The following RNASEH2B variants were observed in gnomAD, a reference collection of about 807,000 sequenced individuals.
The protein encoded by RNASEH2B is ribonuclease H2 subunit B, also known as Aicardi-Goutieres syndrome 2 protein.
A neutral mutation model predicts 45.0 loss-of-function variants in RNASEH2B; 36 were observed. The observed-to-expected ratio is 0.80, with a 90% CI of 0.61 to 1.06. The LOEUF (loss-of-function observed/expected upper bound fraction) is 1.06, where lower values mean the gene tolerates loss of function less well. Among genes scored for constraint, RNASEH2B ranks in the 50% least tolerant of loss-of-function variants. The pLI, the probability that RNASEH2B is intolerant of heterozygous loss-of-function variation, is 0.00. For synonymous variants in RNASEH2B, 119 were observed against 125.7 expected, an observed-to-expected ratio of 0.95 and a Z score of 0.35; for missense variants, 361 against 360.3, an observed-to-expected ratio of 1.00 and a Z score of -0.02.
At chr13:50,959,474 A>G (rs1468288076), downstream of RNASEH2B, 2 of 150,186 alleles carry the variant, frequency 1.3e-5, no homozygotes, top group African/African-American at 4.9e-5. Flanking sequence ...TTTTTTTTAG[A>G]TGGAGTTTCG....
intron 1 of RNASEH2B, among the ~76,000 whole-genome samples, chr13:50,923,785 T>C (rs1028054510): frequency 2.0e-5 from 3 of 152,188 alleles, no homozygotes; most frequent in East Asian, 3.9e-4. Context: ...AGCACAAATA[T>C]ATTTTTGTAA....
rs879506296 is a variant in RNASEH2B at position 50,968,085 on chromosome 13, A to G, written c.742-1847A>G. 4.6e-5 allele frequency among the ~76,000 whole-genome samples: 7 copies of G among 152,284 alleles called. No individual in the cohort carries two copies. In the East Asian group the frequency reaches 1.3e-3, roughly 29 times the overall value. On this transcript the variant is annotated intron_variant, in intron 9 of 9. Coordinates refer to the RNASEH2B transcript ENST00000422660. Reference sequence around the variant, plus strand: ...AGGGTTCGTCCCTGTGTTTCATAGTATTTTTACAGTTCTCACAGCAATCAC... The same window carrying G: ...AGGGTTCGTCCCTGTGTTTCATAGTGTTTTTACAGTTCTCACAGCAATCAC...
chr13:50,943,276 A>T (rs1566086159), intron 5 of RNASEH2B, 45 bp from the exon 6 acceptor site: 2 of 1,040,136 alleles, frequency 1.9e-6, no homozygotes, highest in East Asian at 2.6e-5. Flanking sequence ...TTAGGAGTTT[A>T]TTTTTTTTTT....
rs939685384 is a variant in RNASEH2B, at chr13:50,930,598, T to A, written c.245-85T>A. On this transcript the variant is annotated intron_variant, in intron 3 of 10. Coordinates refer to ENST00000336617, the MANE Select transcript of RNASEH2B (RefSeq NM_024570.4). ...GAATTTCACATATATTTTTCAACAC[T>A]GTTTTTCACTTTGAGATTAAGGTGA... is the stretch of plus-strand genomic sequence containing the variant. The A allele has an allele frequency of 3.1e-6, 3 of 976,710 alleles. 1 individual carries two copies. In the South Asian group the frequency reaches 3.8e-5, roughly 12 times the overall value. The allele number at this position is 976,710 out of a possible 1,614,324, so 60.5% of individuals were successfully genotyped here.
chr13:50,959,956 G>C (rs79722331), downstream of RNASEH2B: 2,158 of 329,602 alleles, frequency 6.5e-3, 41 homozygotes, highest in African/African-American at 0.043. Context: ...ACTTACTTTG[G>C]GAAAACAAAC....
chr13:50,960,269 A>G, downstream of RNASEH2B: 1 of 418,464 alleles, frequency 2.4e-6, no homozygotes, highest in Non-Finnish European at 4.0e-6. Context: ...GGGTTTTAGT[A>G]CATAATATAG....
At chr13:50,920,320 T>A (rs1456938594) in intron 1 of RNASEH2B, among the ~76,000 whole-genome samples, 1 of 152,130 alleles carries the variant, frequency 6.6e-6, no homozygotes, top group Non-Finnish European at 1.5e-5. Context: ...AATACTGGGA[T>A]TACAAGTGTG....
chr13:50,917,247 G>A (rs564409849), intron 1 of RNASEH2B, among the ~76,000 whole-genome samples: 16 of 152,334 alleles, frequency 1.1e-4, no homozygotes, highest in African/African-American at 3.8e-4. Flanking sequence ...GTACAGGATA[G>A]ACAGCAGAGG....
chr13:50,969,861 A>G (rs372515808), intron 9 of RNASEH2B: 221 of 1,442,004 alleles, frequency 1.5e-4, no homozygotes, highest in Non-Finnish European at 1.9e-4. Flanking sequence ...GGAGCTGCAG[A>G]TGGTGCTTGG....
At chr13:50,923,244 G>T (rs1406907244) in intron 1 of RNASEH2B, among the ~76,000 whole-genome samples, 1 of 152,106 alleles carries the variant, frequency 6.6e-6, no homozygotes, top group East Asian at 1.9e-4. Flanking sequence ...GAGAAGAGAA[G>T]GGTGGAAGAG....
chr13:50,953,863 C>A, intron 9 of RNASEH2B, 42 bp from the exon 10 acceptor site: 3 of 1,327,900 alleles, frequency 2.3e-6, no homozygotes, highest in South Asian at 2.4e-5. Flanking sequence ...GATGTTGTGT[C>A]AAAGTGACAT....
intron 1 of RNASEH2B, among the ~76,000 whole-genome samples, chr13:50,917,619 G>A (rs551635301): frequency 1.3e-5 from 2 of 152,232 alleles, no homozygotes; most frequent in African/African-American, 4.8e-5. Context: ...TTGCATATCA[G>A]GAAACCAAGA....
At chr13:50,945,306 T>G in intron 6 of RNASEH2B, 121 bp from the exon 7 acceptor site, 1 of 721,928 alleles carries the variant, frequency 1.4e-6, no homozygotes, top group Non-Finnish European at 2.5e-6. Context: ...TGAAGATACT[T>G]CTAGGTTCTC....
chr13:50,929,418 G>A, intron 2 of RNASEH2B, 57 bp from the exon 3 acceptor site: 1 of 1,007,988 alleles, frequency 9.9e-7, no homozygotes. Flanking sequence ...TGGGGTGTGT[G>A]TGTGTTTGTG....
intron 3 of RNASEH2B, 40 bp from the exon 4 acceptor site, chr13:50,930,643 C>T: frequency 7.0e-7 from 1 of 1,419,196 alleles, no homozygotes; most frequent in Non-Finnish European, 1.0e-6. Flanking sequence ...ATTGTCTTTC[C>T]AAGACGTTTA....
chr13:50,934,543 A>AC, intron 4 of RNASEH2B: 1 of 338,278 alleles, frequency 3.0e-6, no homozygotes, highest in East Asian at 7.3e-5. Context: ...CTGGTTCTTC[A>AC]AATTGAATGG....
intron 6 of RNASEH2B, among the ~76,000 whole-genome samples, chr13:50,943,605 T>C (rs1951860267): frequency 6.6e-6 from 1 of 152,244 alleles, no homozygotes; most frequent in African/African-American, 2.4e-5. Context: ...TATGTTTTCT[T>C]GTGACCTGCA....
At chr13:50,925,513 C>G (rs1404479631) in intron 1 of RNASEH2B, among the ~76,000 whole-genome samples, 47 of 152,096 alleles carry the variant, frequency 3.1e-4, no homozygotes, top group Admixed American at 3.1e-3. Context: ...ACTTTTAGGT[C>G]TTGCTTTTAT....
intron 5 of RNASEH2B, among the ~76,000 whole-genome samples, chr13:50,940,269 G>C (rs1299380793): frequency 6.6e-6 from 1 of 152,214 alleles, no homozygotes; most frequent in African/African-American, 2.4e-5. Flanking sequence ...TGGGAGAATT[G>C]ACTACATAAG....
Sources: allele counts gnomAD v4.1 joint callset (sites outside exome capture counted in the v4.1 genomes callset), GRCh38; gene constraint gnomAD v4.1.1; transcripts MANE v1.5; gene names NCBI Gene and HGNC (gene_info 2026-07-23, HGNC 2026-07-21).